GPBP1: variants seen among roughly 807,000 people sequenced by gnomAD.
The protein encoded by GPBP1 is vasculin.
In GPBP1, 13 loss-of-function variants were observed where a neutral mutation model predicts 56.5. That is an observed-to-expected ratio of 0.23 (90% CI 0.15 to 0.37). The LOEUF (loss-of-function observed/expected upper bound fraction) is 0.37, where lower values mean the gene tolerates loss of function less well. Among genes scored for constraint, GPBP1 ranks in the 10% least tolerant of loss-of-function variants. GPBP1 has a pLI of 1.00. For synonymous variants in GPBP1, 204 were observed against 188.9 expected (o/e 1.08, Z -0.66); for missense variants, 477 against 572.3 (o/e 0.83, Z 1.70).
chr5:57,256,733 A>T (rs939182804), intron 10 of GPBP1, among the ~76,000 whole-genome samples: 29 of 152,352 alleles, frequency 1.9e-4, no homozygotes, highest in African/African-American at 6.5e-4. Flanking sequence ...AAGACAAGTA[A>T]AGGGGCTAGT....
intron 6 of GPBP1, among the ~76,000 whole-genome samples, chr5:57,244,396 G>A (rs2111911661): frequency 6.6e-6 from 1 of 152,290 alleles, no homozygotes; most frequent in East Asian, 1.9e-4. Flanking sequence ...AAACTTGTGT[G>A]CTTAGCCACA....
At chr5:57,198,960 T>C (rs1754882320) in intron 2 of GPBP1, among the ~76,000 whole-genome samples, 2 of 152,256 alleles carry the variant, frequency 1.3e-5, no homozygotes, top group Non-Finnish European at 2.9e-5. Context: ...CTTTAGGTAA[T>C]AGGCATCTGT....
chr5:57,199,311 A>G (rs1364262252), intron 2 of GPBP1, among the ~76,000 whole-genome samples: 1 of 152,128 alleles, frequency 6.6e-6, no homozygotes, highest in African/African-American at 2.4e-5. Flanking sequence ...TCACAGTTTT[A>G]TATTATTAGT....
chr5:57,200,585 C>A (rs1370489515), intron 2 of GPBP1, among the ~76,000 whole-genome samples: 1 of 151,358 alleles, frequency 6.6e-6, no homozygotes, highest in Admixed American at 6.6e-5. Flanking sequence ...GCCAGGCTGG[C>A]CTCGACCTCC....
chr5:57,201,769 C>G (rs1755033983), intron 2 of GPBP1, among the ~76,000 whole-genome samples: 1 of 152,024 alleles, frequency 6.6e-6, no homozygotes, highest in Non-Finnish European at 1.5e-5. Flanking sequence ...TATTTGGTTA[C>G]TTTCTGAAAA....
Position 57,247,174 on chromosome 5 carries a change from A to T in GPBP1, c.763A>T (p.Thr255Ser), listed in dbSNP as rs1413595677. ...GVGNFNAFKS[T>S]AKNFSPSTNS... ...TGGCAACTTTAATGCTTTTAAATCA[A>T]CTGCCAAGAACTTTAGTCCATCTAC... is the stretch of plus-strand genomic sequence containing the variant. Residue 255 changes from threonine to serine, a missense_variant, in exon 8 of 12, where the codon ACT becomes TCT. Physicochemically the swap from Thr to Ser is moderately conservative, Grantham distance 58. Transcript: ENST00000506184. 2.5e-6 allele frequency: 4 copies of T among 1,613,748 alleles called. No homozygotes were observed. In the South Asian group the frequency reaches 3.3e-5, roughly 13 times the overall value.
At position 57,248,862 on chromosome 5, in the gene GPBP1, C is replaced by T. The variant is rs552139029; in HGVS notation, c.805-547C>T. The T allele has an allele frequency of 2.6e-5, 4 of 152,218 alleles. No homozygotes were observed. In the South Asian group the frequency reaches 6.2e-4, roughly 24 times the overall value. 9.4% of individuals were successfully genotyped at this position (152,218 alleles called of 1,614,324 possible). On this transcript the variant is annotated intron_variant, in intron 8 of 11. Transcript: ENST00000506184. ...AGTAAGCATTATTATGGTTTGTTTC[C>T]GTGACTAATAATCCATATGACACAG...
At chr5:57,245,029 G>GC (rs1243552428) in intron 6 of GPBP1, among the ~76,000 whole-genome samples, 1 of 152,068 alleles carries the variant, frequency 6.6e-6, no homozygotes. Flanking sequence ...GCCATCACGC[G>GC]CAGCCTGTTT....
At chr5:57,244,025 T>G (rs1187274039) in intron 6 of GPBP1, among the ~76,000 whole-genome samples, 1 of 152,164 alleles carries the variant, frequency 6.6e-6, no homozygotes, top group African/African-American at 2.4e-5. Flanking sequence ...TTTATAAAAA[T>G]TTTTATTTCT....
chr5:57,201,502 A>T (rs1467392270), intron 2 of GPBP1, among the ~76,000 whole-genome samples: 4 of 152,108 alleles, frequency 2.6e-5, no homozygotes, highest in Non-Finnish European at 1.5e-5. Flanking sequence ...GTTCTTTTTG[A>T]TAATATAATA....
intron 3 of GPBP1, among the ~76,000 whole-genome samples, chr5:57,225,397 G>T (rs940204713): frequency 5.3e-5 from 8 of 151,344 alleles, no homozygotes; most frequent in Admixed American, 3.3e-4. Context: ...GGGAGGCTGA[G>T]GCAGGAGAAT....
Position 57,262,797 on chromosome 5 carries a change from C to T in GPBP1, c.*45C>T, listed in dbSNP as rs1453382182. On this transcript the variant is annotated 3_prime_UTR_variant, in exon 12 of 12. Coordinates refer to ENST00000506184, the MANE Select transcript of GPBP1 (RefSeq NM_022913.4). Reference sequence around the variant, plus strand: ...AGAAATCTTAGTGTGATACATCTCTCATACAGTTTGGGGTGAATTGTAAAA... The same window carrying T: ...AGAAATCTTAGTGTGATACATCTCTTATACAGTTTGGGGTGAATTGTAAAA... 3 of 1,536,598 alleles carry T rather than the reference C, an allele frequency of 2.0e-6. No homozygotes were observed. In the East Asian group the frequency reaches 6.8e-5, roughly 35 times the overall value.
intron 5 of GPBP1, among the ~76,000 whole-genome samples, chr5:57,233,876 C>A (rs991352482): frequency 2.0e-5 from 3 of 152,252 alleles, no homozygotes; most frequent in African/African-American, 7.2e-5. Context: ...ATTAGTAATA[C>A]AATTAAATTA....
chr5:57,200,788 TCTC>T (rs1754985350), intron 2 of GPBP1, among the ~76,000 whole-genome samples: 1 of 152,132 alleles, frequency 6.6e-6, no homozygotes, highest in African/African-American at 2.4e-5. Flanking sequence ...TTCACGCCAT[TCTC>T]CTGCCTCAGG....
chr5:57,258,740 C>T (rs1741770897), intron 10 of GPBP1, among the ~76,000 whole-genome samples: 1 of 152,162 alleles, frequency 6.6e-6, no homozygotes, highest in African/African-American at 2.4e-5. Flanking sequence ...CTCGGTCTCT[C>T]AAAGTGCTGG....
chr5:57,189,804 A>G (rs1192343149), intron 2 of GPBP1, among the ~76,000 whole-genome samples: 1 of 152,160 alleles, frequency 6.6e-6, no homozygotes, highest in Non-Finnish European at 1.5e-5. Flanking sequence ...TTACTGTCTT[A>G]CTGGCCCATT....
rs940223175 is a variant in GPBP1, at chr5:57,234,457, G to C, written c.412-1509G>C. Among the ~76,000 whole-genome samples, 3 of 152,206 alleles carry C rather than the reference G, an allele frequency of 2.0e-5. No homozygotes were observed. The East Asian group carries it at 5.8e-4, about 29-fold the overall frequency. On this transcript the variant is annotated intron_variant, in intron 5 of 11. Transcript: ENST00000506184. ...AGTGATGACAACTTTAAGAATTGGG[G>C]CTGGGTTCAGTGGCTCATGCCTGTT...
chr5:57,222,462 T>A (rs960186897), intron 3 of GPBP1, among the ~76,000 whole-genome samples: 18 of 152,218 alleles, frequency 1.2e-4, no homozygotes, highest in Admixed American at 1.1e-3. Flanking sequence ...GCTAAGTTAC[T>A]TTTATGCATA....
chr5:57,177,719 T>A (rs1448061526), intron 2 of GPBP1, among the ~76,000 whole-genome samples: 3 of 138,854 alleles, frequency 2.2e-5, no homozygotes, highest in African/African-American at 8.1e-5. Context: ...CAGGCTAGCC[T>A]CGAACTCTTG....
Sources: gnomAD v4.1 joint callset for allele counts (sites outside exome capture counted in the v4.1 genomes callset) on GRCh38, gnomAD v4.1.1 for gene constraint, MANE v1.5 for transcripts, NCBI Gene and HGNC (gene_info 2026-07-23, HGNC 2026-07-21) for gene names.